The following LINGO2 variants were observed in gnomAD, a reference collection of about 807,000 sequenced individuals.
The protein encoded by LINGO2 is leucine rich repeat and Ig domain containing 2.
LINGO2 carries 14 observed loss-of-function variants against 30.6 expected under a neutral mutation model. That is an observed-to-expected ratio of 0.46 (90% confidence interval 0.30 to 0.72). LINGO2 has a LOEUF of 0.72. Among genes scored for constraint, LINGO2 ranks in the 30% least tolerant of loss-of-function variants. LINGO2 has a pLI of 0.07. For missense variants in LINGO2, 729 were observed against 751.7 expected (o/e 0.97, Z 0.35); for synonymous variants, 317 against 288.5 (o/e 1.10, Z -1.00).
chr9:29,112,144 A>G, the LINGO2 span, among the ~76,000 whole-genome samples: 27 of 145,458 alleles, frequency 1.9e-4, 1 homozygote, highest in East Asian at 3.1e-3. Context: ...AATACGAAAT[A>G]TATCCCTTCT....
chr9:29,090,503 G>A, the LINGO2 span, among the ~76,000 whole-genome samples: 8 of 151,968 alleles, frequency 5.3e-5, no homozygotes, highest in African/African-American at 1.9e-4. Context: ...TATCTCAAAA[G>A]CTTAATACAG....
intron 1 of LINGO2, among the ~76,000 whole-genome samples, chr9:28,493,821 C>T (rs150804661): frequency 1.1e-4 from 16 of 152,214 alleles, no homozygotes; most frequent in Middle Eastern, 3.4e-3. Flanking sequence ...TGTGGAAGAA[C>T]GTGCAAAGAC....
intron 4 of LINGO2, among the ~76,000 whole-genome samples, chr9:28,062,605 CAAAATCAAATATATATATTTTGTAT>C (rs1825185947): frequency 1.4e-5 from 2 of 142,572 alleles, no homozygotes; most frequent in African/African-American, 5.3e-5. Flanking sequence ...TGTATATATA[CAAAATCAAATATATATATTTTGTAT>C]ATATACAAAA....
At chr9:29,038,223 T>A in the LINGO2 span, among the ~76,000 whole-genome samples, 2 of 152,086 alleles carry the variant, frequency 1.3e-5, no homozygotes, top group Non-Finnish European at 2.9e-5. Context: ...GTATCGGTTA[T>A]ACTCCCACCA....
intron 2 of LINGO2, among the ~76,000 whole-genome samples, chr9:28,464,166 G>T (rs1041778530): frequency 1.1e-4 from 16 of 152,236 alleles, no homozygotes; most frequent in Non-Finnish European, 5.9e-5. Flanking sequence ...ATTTTCCCAT[G>T]TAATTAAATT....
At chr9:29,154,172 C>T in the LINGO2 span, among the ~76,000 whole-genome samples, 3 of 152,186 alleles carry the variant, frequency 2.0e-5, no homozygotes, top group South Asian at 4.1e-4. Flanking sequence ...GGGCCAGGCA[C>T]GGTGGCTCAC....
At chr9:28,775,057 CAAT>C in the LINGO2 span, among the ~76,000 whole-genome samples, 1 of 151,936 alleles carries the variant, frequency 6.6e-6, no homozygotes. Context: ...GGGGAGTGAC[CAAT>C]AATGTGTGTG....
At chr9:27,992,046 G>A (rs985675463) in intron 5 of LINGO2, among the ~76,000 whole-genome samples, 2 of 151,920 alleles carry the variant, frequency 1.3e-5, no homozygotes, top group Admixed American at 1.3e-4. Flanking sequence ...TGGGTATTCG[G>A]ACGCATTTCT....
At chr9:28,264,165 G>T (rs548517989) in intron 4 of LINGO2, among the ~76,000 whole-genome samples, 35 of 151,970 alleles carry the variant, frequency 2.3e-4, no homozygotes, top group African/African-American at 8.4e-4. Flanking sequence ...TATTTACATA[G>T]ATGTCATTTA....
At chr9:28,350,957 C>A (rs867886009) in intron 3 of LINGO2, among the ~76,000 whole-genome samples, 1 of 151,772 alleles carries the variant, frequency 6.6e-6, no homozygotes, top group Non-Finnish European at 1.5e-5. Context: ...CCAACGAGAA[C>A]AAAGACACAA....
chr9:28,580,175 G>C (rs1286297676), intron 1 of LINGO2, among the ~76,000 whole-genome samples: 2 of 151,968 alleles, frequency 1.3e-5, no homozygotes, highest in Non-Finnish European at 2.9e-5. Context: ...GATGGGTCTT[G>C]GGCTAGGCTA....
rs376820075 is a variant in LINGO2, at chr9:28,144,063, G to C, written c.-86-131658C>G. Among the ~76,000 whole-genome samples, 27 of 152,076 alleles carry C rather than the reference G, an allele frequency of 1.8e-4. No individual in the cohort carries two copies. The South Asian group carries it at 5.6e-3, about 32-fold the overall frequency. ...AGATATTGAAACAGGTAGGTACGTA[G>C]GCAGACAGATTGAGATAGATAAATG... On this transcript the variant is annotated intron_variant, in intron 4 of 5. Coordinates refer to ENST00000379992, the Ensembl canonical transcript of LINGO2.
At chr9:28,592,031 A>C (rs1027199388) in intron 1 of LINGO2, among the ~76,000 whole-genome samples, 2 of 152,052 alleles carry the variant, frequency 1.3e-5, no homozygotes, top group Non-Finnish European at 2.9e-5. Context: ...TTTATTACAG[A>C]TATTGATCTC....
At chr9:28,677,282 C>A in the LINGO2 span, among the ~76,000 whole-genome samples, 1 of 152,094 alleles carries the variant, frequency 6.6e-6, no homozygotes, top group Admixed American at 6.6e-5. Flanking sequence ...ATTCGGATAA[C>A]AATTGTGCGG....
At chr9:28,968,941 A>T in the LINGO2 span, among the ~76,000 whole-genome samples, 2 of 152,206 alleles carry the variant, frequency 1.3e-5, no homozygotes, top group Non-Finnish European at 2.9e-5. Context: ...CCAAAGGAAC[A>T]TAGTGATTCT....
intron 4 of LINGO2, among the ~76,000 whole-genome samples, chr9:28,227,245 A>G (rs1206982202): frequency 6.6e-6 from 1 of 152,076 alleles, no homozygotes; most frequent in Non-Finnish European, 1.5e-5. Flanking sequence ...AGACATCCCC[A>G]GTGGTTCTCA....
the LINGO2 span, among the ~76,000 whole-genome samples, chr9:28,900,312 G>A: frequency 2.6e-5 from 4 of 152,296 alleles, no homozygotes; most frequent in Admixed American, 6.5e-5. Context: ...CAAAACTCCA[G>A]GATAGCCTCT....
At chr9:28,989,873 G>A in the LINGO2 span, among the ~76,000 whole-genome samples, 11 of 152,236 alleles carry the variant, frequency 7.2e-5, no homozygotes, top group Admixed American at 2.6e-4. Context: ...AGATGACCAC[G>A]ACGACCTTAA....
chr9:28,658,901 T>C (rs888059808), intron 1 of LINGO2, among the ~76,000 whole-genome samples: 13 of 152,114 alleles, frequency 8.5e-5, no homozygotes, highest in African/African-American at 3.1e-4. Flanking sequence ...TATGAATGTA[T>C]CTTCAGGGTT....
Sources: gnomAD v4.1 joint callset for allele counts (sites outside exome capture counted in the v4.1 genomes callset) on GRCh38, gnomAD v4.1.1 for gene constraint, MANE v1.5 for transcripts, NCBI Gene and HGNC (gene_info 2026-07-23, HGNC 2026-07-21) for gene names.